Variants in FIRRM observed in about 807,000 individuals in gnomAD.
The protein encoded by FIRRM is FIGNL1 interacting regulator of recombination and mitosis.
the FIRRM span, among the ~76,000 whole-genome samples, chr1:169,823,667 A>G: frequency 1.3e-5 from 2 of 152,098 alleles, no homozygotes; most frequent in Non-Finnish European, 2.9e-5. Context: ...TTATCTTTGT[A>G]TTTTATTAGT....
the FIRRM span, chr1:169,800,930 C>T: frequency 6.3e-7 from 1 of 1,598,598 alleles, no homozygotes; most frequent in Non-Finnish European, 8.5e-7. Context: ...TATGAACCAC[C>T]TGACATTGGA....
chr1:169,843,870 CTTG>C, the FIRRM span: 74 of 691,624 alleles, frequency 1.1e-4, no homozygotes, highest in African/African-American at 1.1e-3. Context: ...TAAACCTCCT[CTTG>C]TTGTGTCATA....
At chr1:169,812,871 T>G in the FIRRM span, among the ~76,000 whole-genome samples, 7 of 149,028 alleles carry the variant, frequency 4.7e-5, no homozygotes, top group Admixed American at 1.3e-4. Context: ...AAAAAAAAAA[T>G]GATCAAAGAA....
the FIRRM span, among the ~76,000 whole-genome samples, chr1:169,791,115 C>T: frequency 9.9e-4 from 151 of 152,324 alleles, no homozygotes; most frequent in African/African-American, 3.6e-3. Flanking sequence ...CATTTGCCTA[C>T]CGCTCACCTC....
the FIRRM span, among the ~76,000 whole-genome samples, chr1:169,828,024 C>G: frequency 6.6e-6 from 1 of 151,672 alleles, no homozygotes; most frequent in Admixed American, 6.6e-5. Context: ...AATATATAAA[C>G]CTATATTAGA....
the FIRRM span, among the ~76,000 whole-genome samples, chr1:169,806,970 A>G: frequency 6.6e-6 from 1 of 152,230 alleles, no homozygotes; most frequent in Non-Finnish European, 1.5e-5. Context: ...CACTATCATC[A>G]TCACTGATTA....
chr1:169,802,982 G>A, the FIRRM span, among the ~76,000 whole-genome samples: 9 of 152,234 alleles, frequency 5.9e-5, no homozygotes, highest in Admixed American at 5.9e-4. Flanking sequence ...TTTGAAGTTT[G>A]TGTTAGTATT....
At chr1:169,853,667 T>A in the FIRRM span, 130 of 1,598,850 alleles carry the variant, frequency 8.1e-5, no homozygotes, top group East Asian at 4.0e-4. Context: ...TGATTTTTTT[T>A]AAAAAAAGGG....
chr1:169,826,967 C>G, the FIRRM span: 4 of 1,178,838 alleles, frequency 3.4e-6, no homozygotes, highest in Non-Finnish European at 4.7e-6. Context: ...TTTTTACTAC[C>G]AGAACATCAG....
chr1:169,852,017 T>C, the FIRRM span: 1 of 1,592,670 alleles, frequency 6.3e-7, no homozygotes, highest in Middle Eastern at 1.7e-4. Context: ...CAAACCAGTG[T>C]GGTTTCCAGC....
At chr1:169,794,337 T>A in the FIRRM span, among the ~76,000 whole-genome samples, 6 of 152,214 alleles carry the variant, frequency 3.9e-5, no homozygotes, top group Admixed American at 3.9e-4. Context: ...TTTAAAAACA[T>A]GCATAGGTAT....
At chr1:169,830,817 A>G in the FIRRM span, 1 of 1,345,596 alleles carries the variant, frequency 7.4e-7, no homozygotes, top group Non-Finnish European at 1.1e-6. Flanking sequence ...ATAATCTTTA[A>G]GAATGTGAAT....
chr1:169,852,728 C>T, the FIRRM span: 1 of 1,553,770 alleles, frequency 6.4e-7, no homozygotes, highest in Admixed American at 1.8e-5. Flanking sequence ...TACTCCAGTC[C>T]AAAAGGAAGG....
the FIRRM span, among the ~76,000 whole-genome samples, chr1:169,844,588 G>C: frequency 6.6e-6 from 1 of 152,168 alleles, no homozygotes; most frequent in East Asian, 1.9e-4. Flanking sequence ...GTTTTTAATG[G>C]TGTATGTATA....
At chr1:169,803,209 A>G in the FIRRM span, 1 of 1,614,028 alleles carries the variant, frequency 6.2e-7, no homozygotes, top group Non-Finnish European at 8.5e-7. Context: ...GGATGTGTTC[A>G]GCATATCTGT....
At chr1:169,785,805 G>A in the FIRRM span, among the ~76,000 whole-genome samples, 1 of 152,156 alleles carries the variant, frequency 6.6e-6, no homozygotes, top group Admixed American at 6.5e-5. Context: ...CAGCGAACCT[G>A]TATTTCCCTG....
At chr1:169,815,295 C>CAA in the FIRRM span, among the ~76,000 whole-genome samples, 190 of 110,524 alleles carry the variant, frequency 1.7e-3, no homozygotes, top group African/African-American at 6.0e-3. Context: ...GACTCTGTCT[C>CAA]AAAAAAAAAA....
the FIRRM span, chr1:169,852,581 C>G: frequency 5.2e-6 from 3 of 575,386 alleles, no homozygotes; most frequent in African/African-American, 3.7e-5. Flanking sequence ...AACTAAGACA[C>G]TGGTAGTAGC....
the FIRRM span, chr1:169,829,273 C>T: frequency 2.5e-6 from 4 of 1,578,664 alleles, no homozygotes; most frequent in Non-Finnish European, 2.6e-6. Context: ...GATATCTCTA[C>T]TCAAAGCCGT....
Sources: allele counts gnomAD v4.1 joint callset (sites outside exome capture counted in the v4.1 genomes callset), GRCh38; gene constraint gnomAD v4.1.1; transcripts MANE v1.5; gene names NCBI Gene and HGNC (gene_info 2026-07-23, HGNC 2026-07-21).